Variants in CFAP97 observed in about 807,000 individuals in gnomAD.
CFAP97 encodes cilia- and flagella-associated protein 97.
In CFAP97, 36 loss-of-function variants were observed where a neutral mutation model predicts 43.1. The observed-to-expected ratio is 0.84, with a 90% CI of 0.64 to 1.10. The LOEUF (loss-of-function observed/expected upper bound fraction) is 1.10, where lower values mean the gene tolerates loss of function less well. Ranked by LOEUF, CFAP97 falls within the 50% of genes least tolerant of loss-of-function variation. The pLI is 0.00. For synonymous variants in CFAP97, 228 were observed against 225.7 expected (o/e 1.01, Z -0.09); for missense variants, 657 against 620.3 (o/e 1.06, Z -0.63).
At chr4:185,206,492 C>CT (rs34826264), upstream of CFAP97, among the ~76,000 whole-genome samples, 120,249 of 151,350 alleles carry the variant, frequency 0.79, 48,188 homozygotes, top group African/African-American at 0.92. Flanking sequence ...AACCCCATCT[C>CT]ACTAAAAATA....
At chr4:185,184,068 T>C (rs1735908222) in intron 2 of CFAP97, among the ~76,000 whole-genome samples, 1 of 152,216 alleles carries the variant, frequency 6.6e-6, no homozygotes, top group Admixed American at 6.5e-5. Flanking sequence ...AAGAATGCTT[T>C]ATTTTCAATG....
At chr4:185,210,098 T>G, upstream of CFAP97, 11 of 984,144 alleles carry the variant, frequency 1.1e-5, no homozygotes, top group South Asian at 4.7e-5. This position sits in a 1 kb window ranked among gnomAD's most constrained non-coding sequence, Gnocchi z 4.4. Flanking sequence ...AGCTCCGTCC[T>G]GTTCAGGCTC....
chr4:185,178,267 A>G (rs1198548950), intron 2 of CFAP97, among the ~76,000 whole-genome samples: 1 of 68,824 alleles, frequency 1.5e-5, no homozygotes, highest in East Asian at 4.0e-4. Context: ...TTTTTTTTTG[A>G]GACAGGGTCT....
chr4:185,162,921 A>G lies in CFAP97; in HGVS notation c.1476T>C (p.Ala492=), dbSNP rs761406692. 4 of 1,554,584 alleles carry G rather than the reference A, an allele frequency of 2.6e-6. No homozygotes were observed. In the South Asian group the frequency reaches 4.9e-5, roughly 19 times the overall value. ...STLGQYSPLR[A]SRTSSATSGL... Reference sequence around the variant, plus strand: ...CACTCGTAGCACTGGATGTCCTGGAAGCTCCTGAAAATATAAAAAGAAGAA... The same window carrying G: ...CACTCGTAGCACTGGATGTCCTGGAGGCTCCTGAAAATATAAAAAGAAGAA... Residue 492 remains alanine (A), a synonymous_variant, in exon 5 of 5, where the codon GCT becomes GCC. Transcript: ENST00000458385.
intron 3 of CFAP97, chr4:185,169,725 C>T (rs1214368829): frequency 3.0e-6 from 3 of 985,196 alleles, no homozygotes; most frequent in Non-Finnish European, 2.4e-6. Flanking sequence ...GTTTCTAGAG[C>T]GATGAAGCAA....
In CFAP97 at chr4:185,162,631, C is replaced by T; in HGVS notation, c.*167G>A. On this transcript the variant is annotated 3_prime_UTR_variant, in exon 5 of 5. Transcript: ENST00000458385. Reference sequence around the variant, plus strand: ...TCAGGAAACACTTTTTACATTAAATCGTTTTTTGACAATAATTTTGCACTG... The same window carrying T: ...TCAGGAAACACTTTTTACATTAAATTGTTTTTTGACAATAATTTTGCACTG... 1.0e-5 allele frequency: 7 copies of T among 675,164 alleles called. No individual in the cohort carries two copies. The South Asian group carries it at 1.2e-4, about 11-fold the overall frequency. 41.8% of individuals were successfully genotyped at this position (675,164 alleles called of 1,614,324 possible). A position where few individuals can be genotyped will look rare whatever the true frequency, so the allele number is the denominator to read the frequency against.
chr4:185,168,650 T>G (rs557608413), intron 3 of CFAP97, among the ~76,000 whole-genome samples: 13 of 150,362 alleles, frequency 8.6e-5, no homozygotes, highest in African/African-American at 3.2e-4. Flanking sequence ...ATCCCAGCAC[T>G]TTGGGAGGCT....
chr4:185,203,168 T>G (rs556740237), intron 1 of CFAP97, among the ~76,000 whole-genome samples: 1 of 151,846 alleles, frequency 6.6e-6, no homozygotes, highest in South Asian at 2.1e-4. Context: ...GCCACTGCAC[T>G]CCACCCTGGG....
chr4:185,170,314 C>T (rs1328988840), intron 3 of CFAP97: 1 of 621,994 alleles, frequency 1.6e-6, no homozygotes, highest in Admixed American at 2.5e-5. Context: ...TCACTGCACT[C>T]CAGCCTGGGT....
At chr4:185,196,412 T>G (rs1736547321) in intron 1 of CFAP97, among the ~76,000 whole-genome samples, 1 of 150,924 alleles carries the variant, frequency 6.6e-6, no homozygotes, top group African/African-American at 2.5e-5. Flanking sequence ...AGGCGGAGGT[T>G]GCAGTGAGCT....
chr4:185,192,757 TTGAGACGGAGTCTCGCTCTGTCACCC>T (rs1736337376), intron 1 of CFAP97, among the ~76,000 whole-genome samples: 1 of 146,754 alleles, frequency 6.8e-6, no homozygotes, highest in Non-Finnish European at 1.5e-5. Context: ...TTTTTTTTTT[TTGAGACGGAGTCTCGCTCTGTCACCC>T]AGGCTGGAGT....
chr4:185,171,737 T>C (rs1005378052), intron 3 of CFAP97, among the ~76,000 whole-genome samples: 10 of 152,154 alleles, frequency 6.6e-5, no homozygotes, highest in Admixed American at 2.0e-4. Flanking sequence ...TTTTTTGAGA[T>C]AGGGTCTTGC....
chr4:185,183,894 C>A (rs529683107), intron 2 of CFAP97, among the ~76,000 whole-genome samples: 1 of 152,312 alleles, frequency 6.6e-6, no homozygotes, highest in African/African-American at 2.4e-5. Context: ...TACATTTTAG[C>A]TCAGCATCTG....
At chr4:185,210,089 G>C, upstream of CFAP97, 1 of 980,330 alleles carries the variant, frequency 1.0e-6, no homozygotes, top group Non-Finnish European at 1.2e-6. This position sits in a 1 kb window ranked among gnomAD's most constrained non-coding sequence, Gnocchi z 4.4. Flanking sequence ...GCGGGGCTGA[G>C]CTCCGTCCTG....
At chr4:185,205,983 C>G (rs142689981), upstream of CFAP97, among the ~76,000 whole-genome samples, 3 of 152,070 alleles carry the variant, frequency 2.0e-5, no homozygotes, top group Admixed American at 6.6e-5. Context: ...AATGAGATAC[C>G]GATGGCTTTA....
intron 1 of CFAP97, among the ~76,000 whole-genome samples, chr4:185,197,823 A>C (rs949406445): frequency 9.2e-5 from 14 of 152,360 alleles, no homozygotes; most frequent in Admixed American, 6.5e-4. Context: ...TTAGTGAGGA[A>C]GGTATGCTGA....
chr4:185,178,016 G>T (rs1735622938), intron 2 of CFAP97, among the ~76,000 whole-genome samples: 1 of 151,968 alleles, frequency 6.6e-6, no homozygotes, highest in Non-Finnish European at 1.5e-5. Flanking sequence ...GTAGGAAAAT[G>T]AAGAAATTAA....
At position 185,180,141 on chromosome 4, in the gene CFAP97, A is replaced by G. The variant is rs1430968786; in HGVS notation, c.1055-4090T>C. On this transcript the variant is annotated intron_variant, in intron 2 of 4. Coordinates refer to ENST00000458385, the MANE Select transcript of CFAP97 (RefSeq NM_020827.3). ...TTTCATTCTTCCTATACTATTTTAA[A>G]TATCTTTTTAGGCTGAATGTTGTTT... Among the ~76,000 whole-genome samples, 3 of 152,170 alleles carry G rather than the reference A, an allele frequency of 2.0e-5. No homozygotes were observed. In the East Asian group the frequency reaches 5.8e-4, roughly 29 times the overall value.
chr4:185,163,825 C>T (rs1734963316), intron 4 of CFAP97, among the ~76,000 whole-genome samples: 1 of 152,092 alleles, frequency 6.6e-6, no homozygotes, highest in Non-Finnish European at 1.5e-5. Context: ...GTTTTATCTC[C>T]TGGTTTCCTT....
Sources: gnomAD v4.1 joint callset for allele counts (sites outside exome capture counted in the v4.1 genomes callset) on GRCh38, gnomAD v4.1.1 for gene constraint, Gnocchi (gnomAD v3.1) non-coding constraint, MANE v1.5 for transcripts, NCBI Gene and HGNC (gene_info 2026-07-23, HGNC 2026-07-21) for gene names.